Variants in ADAMTS12 observed in about 807,000 individuals in gnomAD.
ADAMTS12 encodes the protein A disintegrin and metalloproteinase with thrombospondin motifs 12.
In ADAMTS12, 118 loss-of-function variants were observed where a neutral mutation model predicts 167.8. That is an observed-to-expected ratio of 0.70 (90% CI 0.61 to 0.82). The LOEUF is 0.82. Among genes scored for constraint, ADAMTS12 ranks in the 40% least tolerant of loss-of-function variants. ADAMTS12 has a pLI of 0.00. For missense variants in ADAMTS12, 1,916 were observed against 1,998.8 expected, an observed-to-expected ratio of 0.96 and a Z score of 0.79; for synonymous variants, 704 against 716.9, an observed-to-expected ratio of 0.98 and a Z score of 0.29.
chr5:33,611,254 A>T (rs1237142551), intron 16 of ADAMTS12, among the ~76,000 whole-genome samples: 1 of 152,016 alleles, frequency 6.6e-6, no homozygotes, highest in African/African-American at 2.4e-5. Context: ...AATAATAAAC[A>T]CTAGTTTCAC....
intron 2 of ADAMTS12, among the ~76,000 whole-genome samples, chr5:33,879,138 G>A (rs1009664610): frequency 6.6e-5 from 10 of 152,154 alleles, no homozygotes; most frequent in Admixed American, 1.3e-4. Context: ...CCATTTAGCT[G>A]TAAACTTTAA....
chr5:33,585,728 C>T (rs1401683310), intron 18 of ADAMTS12, among the ~76,000 whole-genome samples: 7 of 152,302 alleles, frequency 4.6e-5, no homozygotes, highest in Non-Finnish European at 1.0e-4. Flanking sequence ...CTTGGTAAAA[C>T]CTGAGATTGG....
chr5:33,616,352 G>C (rs1739015769), intron 14 of ADAMTS12, among the ~76,000 whole-genome samples: 1 of 152,172 alleles, frequency 6.6e-6, no homozygotes, highest in East Asian at 1.9e-4. Flanking sequence ...GGTTGATCTA[G>C]CATTTATTTT....
intron 11 of ADAMTS12, among the ~76,000 whole-genome samples, chr5:33,640,202 T>A (rs868212232): frequency 1.3e-5 from 2 of 152,294 alleles, no homozygotes; most frequent in Middle Eastern, 3.4e-3. Flanking sequence ...TGCGGTGCCA[T>A]TGGCAGTGTT....
In ADAMTS12 at chr5:33,673,730, C is replaced by T. The variant is rs571760924; in HGVS notation, c.915+9288G>A. ...TCTAGCCTCCAGGAAGCTCTCCTTT[C>T]ATTTGCAACCTCACGGTTTATGCTT... On this transcript the variant is annotated intron_variant, in intron 5 of 23. Coordinates refer to ENST00000504830, the MANE Select transcript of ADAMTS12 (RefSeq NM_030955.4). 3.3e-5 allele frequency among the ~76,000 whole-genome samples: 5 copies of T among 152,308 alleles called. No individual in the cohort carries two copies. In the South Asian group the frequency reaches 1.0e-3, roughly 32 times the overall value.
At chr5:33,620,699 T>G (rs1739278254) in intron 14 of ADAMTS12, among the ~76,000 whole-genome samples, 1 of 152,222 alleles carries the variant, frequency 6.6e-6, no homozygotes, top group African/African-American at 2.4e-5. Context: ...GTGTATATTT[T>G]ATGGTAGTAA....
intron 2 of ADAMTS12, among the ~76,000 whole-genome samples, chr5:33,834,155 C>T (rs1748417666): frequency 6.6e-6 from 1 of 152,118 alleles, no homozygotes; most frequent in Admixed American, 6.5e-5. Flanking sequence ...GGACAGCAGT[C>T]ATATTGGATT....
At chr5:33,792,588 T>C (rs1252623347) in intron 2 of ADAMTS12, among the ~76,000 whole-genome samples, 1 of 152,222 alleles carries the variant, frequency 6.6e-6, no homozygotes, top group African/African-American at 2.4e-5. Flanking sequence ...ACAGGTGATG[T>C]TCAGCAGATA....
intron 3 of ADAMTS12, among the ~76,000 whole-genome samples, chr5:33,745,212 G>T (rs1033522528): frequency 6.6e-6 from 1 of 152,230 alleles, no homozygotes; most frequent in Middle Eastern, 3.4e-3. Context: ...GCTCTCTCAG[G>T]CCTTTGCAGG....
intron 19 of ADAMTS12, among the ~76,000 whole-genome samples, chr5:33,565,388 G>A (rs1419127330): frequency 6.6e-6 from 1 of 152,180 alleles, no homozygotes; most frequent in Non-Finnish European, 1.5e-5. Context: ...CTGACCTCAA[G>A]TGATCCACCT....
chr5:33,629,572 T>C (rs992740569), intron 13 of ADAMTS12, among the ~76,000 whole-genome samples: 1 of 152,156 alleles, frequency 6.6e-6, no homozygotes, highest in Non-Finnish European at 1.5e-5. Flanking sequence ...CTTGTATGCC[T>C]GATGATGAAA....
chr5:33,828,153 G>T (rs894120083), intron 2 of ADAMTS12, among the ~76,000 whole-genome samples: 2 of 152,196 alleles, frequency 1.3e-5, no homozygotes, highest in Non-Finnish European at 1.5e-5. Context: ...TCCCCTGGCA[G>T]TGCAAGAGGT....
intron 1 of ADAMTS12, 28 bp downstream of exon 1, chr5:33,891,702 T>C (rs927887055): frequency 1.1e-5 from 17 of 1,612,952 alleles, no homozygotes; most frequent in Middle Eastern, 1.6e-4. Flanking sequence ...ACCACTGTTT[T>C]AAAAAGAAAT....
At chr5:33,536,685 T>C (rs1189324997) in intron 22 of ADAMTS12, among the ~76,000 whole-genome samples, 1 of 152,208 alleles carries the variant, frequency 6.6e-6, no homozygotes, top group Non-Finnish European at 1.5e-5. Context: ...TATGCACAAT[T>C]GGTTAATTCC....
At chr5:33,631,644 T>C (rs1345113595) in intron 12 of ADAMTS12, among the ~76,000 whole-genome samples, 1 of 152,178 alleles carries the variant, frequency 6.6e-6, no homozygotes, top group South Asian at 2.1e-4. Context: ...CCCATATGTA[T>C]GTATACAGAA....
intron 1 of ADAMTS12, among the ~76,000 whole-genome samples, chr5:33,889,418 G>A (rs1445144983): frequency 6.6e-6 from 1 of 152,200 alleles, no homozygotes; most frequent in Non-Finnish European, 1.5e-5. Flanking sequence ...TAAGGAGATT[G>A]GTTATTTGTG....
In ADAMTS12 at chr5:33,577,152, A is replaced by G. The variant is rs749212498; in HGVS notation, c.2874T>C (p.Val958=). 4.3e-6 allele frequency: 7 copies of G among 1,614,074 alleles called. No homozygotes were observed. Among genetic ancestry groups the G allele is most frequent in the Middle Eastern group, 1.6e-4 (1 of 6,084 alleles). The part of the protein sequence containing the change: ...WTVGNWSECS[V]SCGGGVRIRS... ...GAATCCGCACTCCACCACCACAGGA[A>G]ACAGAACACTAGAAGAGAGAAACAG... The change falls in exon 19 of 24, where the codon GTT becomes GTC. Residue 958 remains valine, a synonymous_variant. Transcript: ENST00000504830.
intron 2 of ADAMTS12, among the ~76,000 whole-genome samples, chr5:33,812,962 G>A (rs1747515162): frequency 6.6e-6 from 1 of 152,150 alleles, no homozygotes; most frequent in South Asian, 2.1e-4. Flanking sequence ...AGGCCGCCAG[G>A]AAGAAAGACT....
At chr5:33,583,049 T>C (rs1747151102) in intron 18 of ADAMTS12, among the ~76,000 whole-genome samples, 1 of 152,216 alleles carries the variant, frequency 6.6e-6, no homozygotes, top group Non-Finnish European at 1.5e-5. Context: ...TTGACTATAG[T>C]CACCTCATTG....
Sources: allele counts gnomAD v4.1 joint callset (sites outside exome capture counted in the v4.1 genomes callset), GRCh38; gene constraint gnomAD v4.1.1; transcripts MANE v1.5; gene names NCBI Gene and HGNC (gene_info 2026-07-23, HGNC 2026-07-21).